DSCAM: variants seen among roughly 807,000 people sequenced by gnomAD.
The protein encoded by DSCAM is DS cell adhesion molecule.
A neutral mutation model predicts 217.7 loss-of-function variants in DSCAM; 47 were observed. The ratio of observed to expected loss-of-function variants is 0.22; its 90% CI spans 0.17 to 0.28. The LOEUF is 0.28. Ranked by LOEUF, DSCAM falls within the 10% of genes least tolerant of loss-of-function variation. The pLI is 1.00. For synonymous variants in DSCAM, 1,056 were observed against 1,015.3 expected (o/e 1.04, Z -0.76); for missense variants, 2,080 against 2,618.3 (o/e 0.79, Z 4.49).
At chr21:40,440,852 T>C (rs958988853) in intron 3 of DSCAM, among the ~76,000 whole-genome samples, 3 of 152,090 alleles carry the variant, frequency 2.0e-5, no homozygotes, top group Admixed American at 2.0e-4. Context: ...CATATGTAAA[T>C]TGAACAGCAC....
At chr21:40,294,864 C>T (rs1055457833) in intron 10 of DSCAM, among the ~76,000 whole-genome samples, 2 of 152,130 alleles carry the variant, frequency 1.3e-5, no homozygotes, top group Non-Finnish European at 2.9e-5. Flanking sequence ...AAGTCCTTTG[C>T]ACATGGACAG....
chr21:40,648,405 G>A (rs577313616), intron 3 of DSCAM, among the ~76,000 whole-genome samples: 6 of 152,014 alleles, frequency 3.9e-5, no homozygotes, highest in African/African-American at 7.3e-5. Context: ...GCTGACGTCC[G>A]TGGCTGAGCT....
At chr21:40,632,681 A>C (rs1424206194) in intron 3 of DSCAM, among the ~76,000 whole-genome samples, 2 of 152,216 alleles carry the variant, frequency 1.3e-5, no homozygotes, top group African/African-American at 4.8e-5. Context: ...CGGAAAATGC[A>C]AGAGGTCTCA....
intron 3 of DSCAM, among the ~76,000 whole-genome samples, chr21:40,462,270 G>A (rs1488461890): frequency 6.6e-6 from 1 of 152,168 alleles, no homozygotes; most frequent in Non-Finnish European, 1.5e-5. Context: ...CTCTCATGAT[G>A]TGGCACCAAG....
At chr21:40,134,389 G>A (rs1389415509) in intron 18 of DSCAM, among the ~76,000 whole-genome samples, 8 of 152,158 alleles carry the variant, frequency 5.3e-5, no homozygotes, top group Non-Finnish European at 1.0e-4. Flanking sequence ...CACACACGCT[G>A]CACACTTGGC....
chr21:40,652,247 C>A (rs2090022411), intron 3 of DSCAM, among the ~76,000 whole-genome samples: 1 of 151,756 alleles, frequency 6.6e-6, no homozygotes, highest in Non-Finnish European at 1.5e-5. Flanking sequence ...TGCGGCAAAC[C>A]ACCGTGGTAC....
intron 3 of DSCAM, among the ~76,000 whole-genome samples, chr21:40,408,241 A>G (rs1424643444): frequency 6.6e-6 from 1 of 152,096 alleles, no homozygotes; most frequent in Admixed American, 6.5e-5. Flanking sequence ...TTCATTGATG[A>G]CGTGGATGAT....
At chr21:40,733,597 T>C (rs7278321) in intron 1 of DSCAM, among the ~76,000 whole-genome samples, 22,516 of 152,186 alleles carry the variant, frequency 0.15, 2,042 homozygotes, top group African/African-American at 0.26. Flanking sequence ...ACCTTGCCTC[T>C]GAGCATGGCA....
chr21:40,359,674 T>C (rs2074736386), intron 4 of DSCAM, among the ~76,000 whole-genome samples: 1 of 152,178 alleles, frequency 6.6e-6, no homozygotes, highest in African/African-American at 2.4e-5. Context: ...TGTAACAACA[T>C]GGGTGCTGCA....
At chr21:40,640,455 G>A (rs572814449) in intron 3 of DSCAM, among the ~76,000 whole-genome samples, 3 of 152,304 alleles carry the variant, frequency 2.0e-5, no homozygotes, top group South Asian at 2.1e-4. Flanking sequence ...GGGAAGAGAC[G>A]GAGGATGCAG....
At chr21:40,710,073 C>T (rs557853374) in intron 1 of DSCAM, among the ~76,000 whole-genome samples, 1 of 152,292 alleles carries the variant, frequency 6.6e-6, no homozygotes, top group East Asian at 1.9e-4. Flanking sequence ...CTTTGATTTG[C>T]ATTTCTCTAA....
chr21:40,498,989 G>T (rs999022516), intron 3 of DSCAM, among the ~76,000 whole-genome samples: 2 of 151,304 alleles, frequency 1.3e-5, no homozygotes, highest in Non-Finnish European at 2.9e-5. Flanking sequence ...AATGTAATAC[G>T]CAGCTCATTC....
chr21:40,747,820 CAAGAA>C (rs1371527984), intron 1 of DSCAM, among the ~76,000 whole-genome samples: 1 of 151,768 alleles, frequency 6.6e-6, no homozygotes, highest in Non-Finnish European at 1.5e-5. Context: ...AAAAAATCCT[CAAGAA>C]AATAGTACCA....
chr21:40,647,527 T>C (rs1220277932), intron 3 of DSCAM, among the ~76,000 whole-genome samples: 8 of 152,212 alleles, frequency 5.3e-5, no homozygotes, highest in Non-Finnish European at 1.2e-4. Flanking sequence ...GAAATTCCAT[T>C]ACATAAATCA....
intron 1 of DSCAM, among the ~76,000 whole-genome samples, chr21:40,816,213 T>G (rs548270477): frequency 1.3e-5 from 2 of 152,238 alleles, no homozygotes; most frequent in Non-Finnish European, 2.9e-5. Flanking sequence ...ATTTGAAGCT[T>G]GAGCAAAGGC....
intron 4 of DSCAM, among the ~76,000 whole-genome samples, chr21:40,355,491 G>A (rs919619790): frequency 3.9e-5 from 6 of 152,186 alleles, no homozygotes; most frequent in Admixed American, 3.9e-4. Context: ...TGAATGGAGT[G>A]ATGTTCCCAA....
At chr21:40,422,512 C>T (rs2047815889) in intron 3 of DSCAM, among the ~76,000 whole-genome samples, 1 of 152,028 alleles carries the variant, frequency 6.6e-6, no homozygotes, top group African/African-American at 2.4e-5. Flanking sequence ...CATGGTGGTG[C>T]ATGCCTATAA....
chr21:40,178,431 C>G (rs2090756958), intron 15 of DSCAM, among the ~76,000 whole-genome samples: 1 of 152,118 alleles, frequency 6.6e-6, no homozygotes, highest in South Asian at 2.1e-4. Context: ...GAAAAAAGAG[C>G]AAAAACATTA....
intron 1 of DSCAM, 45 bp downstream of exon 1, chr21:40,846,574 G>T: frequency 2.1e-6 from 1 of 476,862 alleles, no homozygotes; most frequent in Non-Finnish European, 2.7e-6. Flanking sequence ...CGCCCCCCCG[G>T]TCAATGATAA....
Sources: allele counts gnomAD v4.1 joint callset (sites outside exome capture counted in the v4.1 genomes callset), GRCh38; gene constraint gnomAD v4.1.1; transcripts MANE v1.5; gene names NCBI Gene and HGNC (gene_info 2026-07-23, HGNC 2026-07-21).